The following CA10 variants were observed in gnomAD, a reference collection of about 807,000 sequenced individuals.
CA10 encodes carbonic anhydrase-related protein 10.
A neutral mutation model predicts 44.2 loss-of-function variants in CA10; 14 were observed. That is an observed-to-expected ratio of 0.32 (90% CI 0.21 to 0.50). The LOEUF is 0.50. Ranked by LOEUF, CA10 falls within the 20% of genes least tolerant of loss-of-function variation. CA10 has a pLI of 0.99. For synonymous variants in CA10, 159 were observed against 141.6 expected (o/e 1.12, Z -0.87); for missense variants, 350 against 409.7 (o/e 0.85, Z 1.26).
At chr17:51,710,500 G>T (rs1915901160) in intron 4 of CA10, among the ~76,000 whole-genome samples, 1 of 152,168 alleles carries the variant, frequency 6.6e-6, no homozygotes, top group Non-Finnish European at 1.5e-5. Context: ...CTCACCACCA[G>T]CAGAAAGACC....
At chr17:51,813,094 G>A (rs910032042) in intron 3 of CA10, among the ~76,000 whole-genome samples, 1 of 152,190 alleles carries the variant, frequency 6.6e-6, no homozygotes, top group African/African-American at 2.4e-5. Flanking sequence ...AAAGCACAAG[G>A]TGAATAGAAA....
intron 1 of CA10, among the ~76,000 whole-genome samples, chr17:52,107,747 G>C (rs1041516630): frequency 1.3e-5 from 2 of 152,136 alleles, no homozygotes; most frequent in Non-Finnish European, 2.9e-5. Context: ...CAATGTGATC[G>C]GCAACCTTTT....
chr17:51,832,130 C>G (rs1263896), intron 3 of CA10, among the ~76,000 whole-genome samples: 49,491 of 152,050 alleles, frequency 0.33, 8,640 homozygotes, highest in East Asian at 0.49. Context: ...TCCACACCCC[C>G]AGTGCCACCT....
At chr17:51,988,675 A>G (rs1025770667) in intron 2 of CA10, among the ~76,000 whole-genome samples, 2 of 152,024 alleles carry the variant, frequency 1.3e-5, no homozygotes, top group East Asian at 1.9e-4. Context: ...TTACCTTTCT[A>G]CTAGTGTCAG....
intron 3 of CA10, among the ~76,000 whole-genome samples, chr17:51,865,757 A>T (rs1598089098): frequency 1.3e-5 from 2 of 152,360 alleles, no homozygotes; most frequent in South Asian, 4.1e-4. Context: ...TGCCTGAGAG[A>T]TGCCATGGTT....
intron 1 of CA10, among the ~76,000 whole-genome samples, chr17:52,129,452 G>A (rs910764263): frequency 5.9e-5 from 9 of 152,056 alleles, no homozygotes; most frequent in South Asian, 2.1e-4. Flanking sequence ...TGCTATCCTC[G>A]TTATGGATAT....
At chr17:51,997,501 A>G (rs528142872) in intron 2 of CA10, among the ~76,000 whole-genome samples, 1 of 152,228 alleles carries the variant, frequency 6.6e-6, no homozygotes, top group African/African-American at 2.4e-5. Flanking sequence ...CAGGGTAGCT[A>G]AATGGTTTCC....
chr17:52,058,933 T>C (rs1207871218), intron 2 of CA10, among the ~76,000 whole-genome samples: 2 of 152,200 alleles, frequency 1.3e-5, no homozygotes, highest in Non-Finnish European at 2.9e-5. Context: ...CTGATTTGTA[T>C]ACCTAGTGTC....
chr17:51,795,843 T>G (rs1906684404), intron 3 of CA10, among the ~76,000 whole-genome samples: 1 of 152,220 alleles, frequency 6.6e-6, no homozygotes, highest in Admixed American at 6.5e-5. Context: ...GGTGTGAGTG[T>G]CCACATACTA....
chr17:51,676,732 G>C (rs1914637389), intron 4 of CA10, among the ~76,000 whole-genome samples: 1 of 152,176 alleles, frequency 6.6e-6, no homozygotes, highest in South Asian at 2.1e-4. Flanking sequence ...ACTTTTAGCA[G>C]GTTATGTGCA....
intron 2 of CA10, among the ~76,000 whole-genome samples, chr17:52,031,077 A>C (rs572324118): frequency 1.3e-5 from 2 of 152,250 alleles, no homozygotes; most frequent in South Asian, 4.1e-4. Flanking sequence ...GGAGAACCCT[A>C]ATAGAGGTAT....
chr17:51,642,587 G>A (rs564460907), intron 6 of CA10, among the ~76,000 whole-genome samples: 1 of 152,258 alleles, frequency 6.6e-6, no homozygotes, highest in East Asian at 1.9e-4. Flanking sequence ...TGCCTTCAGT[G>A]GTGTGGTTTT....
rs577109821 is a variant in CA10 at position 52,078,347 on chromosome 17, A to G, written c.62-5954T>C. Among the ~76,000 whole-genome samples the G allele has an allele frequency of 2.0e-5, 3 of 152,360 alleles. No individual in the cohort carries two copies. The East Asian group carries it at 5.8e-4, about 29-fold the overall frequency. On this transcript the variant is annotated intron_variant, in intron 1 of 8. Coordinates refer to ENST00000451037, the MANE Select transcript of CA10 (RefSeq NM_020178.5). ...GGATGTTGCTTAATAAAACTCCACC[A>G]TCAGTCAAAACATACCAAACCATAA...
At chr17:51,900,086 T>A (rs1329439350) in intron 3 of CA10, among the ~76,000 whole-genome samples, 1 of 152,094 alleles carries the variant, frequency 6.6e-6, no homozygotes, top group Non-Finnish European at 1.5e-5. Flanking sequence ...CACTAGCTAG[T>A]TGTTATGCAG....
intron 2 of CA10, among the ~76,000 whole-genome samples, chr17:51,940,319 T>A (rs898630614): frequency 7.9e-5 from 12 of 152,122 alleles, no homozygotes; most frequent in African/African-American, 2.9e-4. Context: ...ACGACAAAAC[T>A]TCCTTCCTGA....
intron 3 of CA10, among the ~76,000 whole-genome samples, chr17:51,904,755 T>A (rs1289764235): frequency 6.6e-6 from 1 of 152,110 alleles, no homozygotes; most frequent in Non-Finnish European, 1.5e-5. Flanking sequence ...TTTGCAGGCT[T>A]GGTGAGGGAG....
chr17:51,925,570 T>C (rs1377026331), intron 3 of CA10, among the ~76,000 whole-genome samples: 1 of 152,102 alleles, frequency 6.6e-6, no homozygotes, highest in African/African-American at 2.4e-5. Context: ...TATGCCCCAG[T>C]AATTCCACTC....
chr17:51,972,971 T>G (rs1050708845), intron 2 of CA10, among the ~76,000 whole-genome samples: 9 of 152,120 alleles, frequency 5.9e-5, no homozygotes, highest in African/African-American at 2.2e-4. Context: ...GTGGTCAAAT[T>G]GATTAGGAAA....
intron 3 of CA10, among the ~76,000 whole-genome samples, chr17:51,820,734 C>T (rs975565095): frequency 2.0e-5 from 3 of 151,980 alleles, no homozygotes; most frequent in African/African-American, 7.3e-5. Context: ...TCAATTTTCT[C>T]ATTTGTAAAA....
Sources: allele counts gnomAD v4.1 joint callset (sites outside exome capture counted in the v4.1 genomes callset), GRCh38; gene constraint gnomAD v4.1.1; transcripts MANE v1.5; gene names NCBI Gene and HGNC (gene_info 2026-07-23, HGNC 2026-07-21).